STEAP1B: variants seen among roughly 807,000 people sequenced by gnomAD.
The protein encoded by STEAP1B is STEAP family member 1B, also known as STEAP family protein MGC87042.
In STEAP1B, 13 loss-of-function variants were observed where a neutral mutation model predicts 27.9. The ratio of observed to expected loss-of-function variants is 0.47; its 90% CI spans 0.30 to 0.74. The LOEUF is 0.74. Among genes scored for constraint, STEAP1B ranks in the 30% least tolerant of loss-of-function variants. STEAP1B has a pLI of 0.06. For synonymous variants in STEAP1B, 86 were observed against 107.1 expected, an observed-to-expected ratio of 0.80 and a Z score of 1.22; for missense variants, 250 against 298.7, an observed-to-expected ratio of 0.84 and a Z score of 1.20.
At chr7:22,452,218 G>A (rs971166768) in intron 4 of STEAP1B, among the ~76,000 whole-genome samples, 2 of 152,236 alleles carry the variant, frequency 1.3e-5, no homozygotes, top group African/African-American at 4.8e-5. Flanking sequence ...AAGCGAGGGC[G>A]TGGCTACTGC....
At chr7:22,459,486 A>G (rs1785641902) in intron 4 of STEAP1B, among the ~76,000 whole-genome samples, 1 of 152,372 alleles carries the variant, frequency 6.6e-6, no homozygotes, top group East Asian at 1.9e-4. Context: ...TACCACGGCC[A>G]TAAGACCTGA....
chr7:22,452,178 G>A (rs1027578438), intron 4 of STEAP1B, among the ~76,000 whole-genome samples: 2 of 152,210 alleles, frequency 1.3e-5, no homozygotes, highest in African/African-American at 4.8e-5. Flanking sequence ...ACCCTTGACT[G>A]AGGGAAAGGT....
intron 4 of STEAP1B, among the ~76,000 whole-genome samples, chr7:22,433,086 T>C (rs1180532524): frequency 6.6e-6 from 1 of 151,766 alleles, no homozygotes; most frequent in African/African-American, 2.4e-5. Context: ...GGGGGAAGAA[T>C]GAGAAGAAAG....
At chr7:22,421,076 C>T (rs1785037303) in intron 4 of STEAP1B, among the ~76,000 whole-genome samples, 2 of 152,138 alleles carry the variant, frequency 1.3e-5, no homozygotes, top group Admixed American at 6.5e-5. Flanking sequence ...TCTGAATATC[C>T]AACATCAGTT....
intron 4 of STEAP1B, among the ~76,000 whole-genome samples, chr7:22,446,648 T>C (rs1785413518): frequency 6.6e-6 from 1 of 152,240 alleles, no homozygotes; most frequent in Admixed American, 6.5e-5. Flanking sequence ...TGAATGCTAA[T>C]CTCACTTCTA....
intron 4 of STEAP1B, chr7:22,438,524 T>C (rs759459570): frequency 1.9e-6 from 3 of 1,551,374 alleles, no homozygotes; most frequent in South Asian, 1.2e-5. Context: ...AACTTGTCTT[T>C]TTTATTGAGA....
chr7:22,428,454 C>A (rs1785136902), intron 4 of STEAP1B, among the ~76,000 whole-genome samples: 8 of 151,910 alleles, frequency 5.3e-5, no homozygotes, highest in Admixed American at 5.2e-4. Flanking sequence ...ATGCATCATA[C>A]AAGCTCTTAA....
chr7:22,458,598 G>A (rs1785626468), intron 4 of STEAP1B, among the ~76,000 whole-genome samples: 1 of 152,172 alleles, frequency 6.6e-6, no homozygotes, highest in South Asian at 2.1e-4. Context: ...ACACTAAACA[G>A]CGCACCACTG....
intron 4 of STEAP1B, among the ~76,000 whole-genome samples, chr7:22,455,997 A>G (rs1583639913): frequency 6.6e-6 from 1 of 152,116 alleles, no homozygotes. Flanking sequence ...AATACCAAAA[A>G]TTAGCTGGGC....
At chr7:22,455,835 C>G (rs1283885740) in intron 4 of STEAP1B, among the ~76,000 whole-genome samples, 1 of 152,148 alleles carries the variant, frequency 6.6e-6, no homozygotes, top group Non-Finnish European at 1.5e-5. Flanking sequence ...AAAAGGCAAA[C>G]GAGTATTTCG....
chr7:22,445,407 C>T (rs1039441350), intron 4 of STEAP1B, among the ~76,000 whole-genome samples: 2 of 152,276 alleles, frequency 1.3e-5, no homozygotes, highest in Non-Finnish European at 2.9e-5. Context: ...TTGGGCCTCC[C>T]ATCCTCCCCT....
At chr7:22,430,346 CTCAATG>C (rs1421630949) in intron 4 of STEAP1B, among the ~76,000 whole-genome samples, 1 of 152,138 alleles carries the variant, frequency 6.6e-6, no homozygotes, top group African/African-American at 2.4e-5. Context: ...ATATGAAGTG[CTCAATG>C]AATGGAACTA....
intron 4 of STEAP1B, among the ~76,000 whole-genome samples, chr7:22,474,628 A>T (rs1333829188): frequency 6.6e-6 from 1 of 152,182 alleles, no homozygotes; most frequent in African/African-American, 2.4e-5. Context: ...CTGTCATCGT[A>T]TACAGGGTGC....
At chr7:22,431,870 C>T (rs1258177208) in intron 4 of STEAP1B, among the ~76,000 whole-genome samples, 3 of 152,212 alleles carry the variant, frequency 2.0e-5, no homozygotes, top group Non-Finnish European at 4.4e-5. Context: ...TAACATTATT[C>T]CCTCCCTTAT....
chr7:22,483,229 C>T (rs1462822033), intron 4 of STEAP1B, among the ~76,000 whole-genome samples: 1 of 151,996 alleles, frequency 6.6e-6, no homozygotes, highest in Non-Finnish European at 1.5e-5. Flanking sequence ...TAACCCTACT[C>T]ATTCTGTCAT....
At chr7:22,490,262 T>C (rs1234139732) in intron 4 of STEAP1B, among the ~76,000 whole-genome samples, 3 of 152,186 alleles carry the variant, frequency 2.0e-5, no homozygotes, top group African/African-American at 7.2e-5. Context: ...AAATCTCCAT[T>C]GTCTATAGTA....
intron 4 of STEAP1B, among the ~76,000 whole-genome samples, chr7:22,488,487 T>C (rs1209539374): frequency 6.6e-6 from 1 of 152,134 alleles, no homozygotes; most frequent in Non-Finnish European, 1.5e-5. Context: ...AGGGCTTGAA[T>C]AAGTGGACCC....
chr7:22,454,666 G>A (rs1364873805), intron 4 of STEAP1B, among the ~76,000 whole-genome samples: 1 of 151,674 alleles, frequency 6.6e-6, no homozygotes, highest in Non-Finnish European at 1.5e-5. Flanking sequence ...AGCTGTGCAC[G>A]GCCGAGGCTG....
At chr7:22,457,875 T>A (rs1785613589) in intron 4 of STEAP1B, among the ~76,000 whole-genome samples, 1 of 152,214 alleles carries the variant, frequency 6.6e-6, no homozygotes, top group Non-Finnish European at 1.5e-5. Flanking sequence ...TAAAATGCAT[T>A]GTAATTATTG....
Sources: allele counts gnomAD v4.1 joint callset (sites outside exome capture counted in the v4.1 genomes callset), GRCh38; gene constraint gnomAD v4.1.1; transcripts MANE v1.5; gene names NCBI Gene and HGNC (gene_info 2026-07-23, HGNC 2026-07-21).